The following MITF variants were observed in gnomAD, a reference collection of about 807,000 sequenced individuals.
MITF encodes the protein melanocyte inducing transcription factor.
In MITF, 17 loss-of-function variants were observed where a neutral mutation model predicts 60.5. The ratio of observed to expected loss-of-function variants is 0.28; its 90% CI spans 0.19 to 0.42. MITF has a LOEUF of 0.42. Ranked by LOEUF, MITF falls within the 10% of genes least tolerant of loss-of-function variation. The pLI is 1.00. For synonymous variants in MITF, 260 were observed against 248.5 expected, an observed-to-expected ratio of 1.05 and a Z score of -0.43; for missense variants, 622 against 683.5, an observed-to-expected ratio of 0.91 and a Z score of 1.00.
intron 2 of MITF, among the ~76,000 whole-genome samples, chr3:69,885,685 G>A (rs929860947): frequency 6.6e-6 from 1 of 152,118 alleles, no homozygotes; most frequent in African/African-American, 2.4e-5. Context: ...GGATGAAGGA[G>A]AAGCAATTAG....
chr3:69,834,966 C>T lies in MITF; in HGVS notation c.105-44168C>T, dbSNP rs549947869. 4.1e-4 allele frequency among the ~76,000 whole-genome samples: 60 copies of T among 146,890 alleles called. 1 individual carries two copies. The highest frequency in any genetic ancestry group is 1.5e-3 in the African/African-American group (58 of 39,988). On this transcript the variant is annotated intron_variant, in intron 1 of 9. Transcript: ENST00000352241. ...TGAGTACTTTTTTCATATCTGTTGC[C>T]ATGTGTATATTTTCTTTTGAAAAGT...
intron 1 of MITF, among the ~76,000 whole-genome samples, chr3:69,795,501 G>A (rs1182459837): frequency 6.6e-6 from 1 of 152,148 alleles, no homozygotes; most frequent in South Asian, 2.1e-4. Context: ...CGAGGTGGGA[G>A]GATCTCCTGA....
intron 2 of MITF, among the ~76,000 whole-genome samples, chr3:69,930,839 A>G (rs927404609): frequency 2.0e-5 from 3 of 152,240 alleles, no homozygotes; most frequent in African/African-American, 7.2e-5. Flanking sequence ...GTACACATTA[A>G]CATTTGCTCC....
At chr3:69,770,422 C>A (rs1378914952) in intron 1 of MITF, among the ~76,000 whole-genome samples, 1 of 152,044 alleles carries the variant, frequency 6.6e-6, no homozygotes, top group Non-Finnish European at 1.5e-5. Context: ...CTGTGGTTGA[C>A]CTGGTTTTCC....
At chr3:69,853,266 C>T (rs974204278) in intron 1 of MITF, among the ~76,000 whole-genome samples, 25 of 152,000 alleles carry the variant, frequency 1.6e-4, no homozygotes, top group African/African-American at 5.3e-4. Context: ...AGCATCTGTT[C>T]GGTAGAGGGT....
At chr3:69,926,095 AAACCTGCATGCG>A (rs1451092068) in intron 2 of MITF, among the ~76,000 whole-genome samples, 19 of 152,154 alleles carry the variant, frequency 1.2e-4, no homozygotes, top group African/African-American at 4.6e-4. Flanking sequence ...TGGTTACATT[AAACCTGCATGCG>A]AAGCTCTCAG....
intron 2 of MITF, among the ~76,000 whole-genome samples, chr3:69,886,632 T>C (rs1279480416): frequency 6.6e-6 from 1 of 152,054 alleles, no homozygotes; most frequent in Admixed American, 6.6e-5. Context: ...GAAAGATACA[T>C]GAGCTTAAGC....
chr3:69,820,749 C>T (rs1189555025), intron 1 of MITF, among the ~76,000 whole-genome samples: 16 of 152,092 alleles, frequency 1.1e-4, no homozygotes, highest in Admixed American at 7.9e-4. Flanking sequence ...AGTTTTGCTG[C>T]GATGCTGGCC....
intron 1 of MITF, among the ~76,000 whole-genome samples, chr3:69,847,743 C>T (rs1237933040): frequency 1.3e-5 from 2 of 152,242 alleles, no homozygotes; most frequent in African/African-American, 2.4e-5. Context: ...CCGTAACTCA[C>T]ACTTCTCTGG....
intron 2 of MITF, among the ~76,000 whole-genome samples, chr3:69,919,868 T>G (rs533101520): frequency 4.3e-4 from 66 of 152,224 alleles, no homozygotes; most frequent in African/African-American, 1.6e-3. Context: ...GCTGTTGTTG[T>G]TTTCAGACAG....
chr3:69,863,709 T>C (rs993504632), intron 1 of MITF, among the ~76,000 whole-genome samples: 6 of 152,172 alleles, frequency 3.9e-5, no homozygotes, highest in African/African-American at 1.4e-4. Context: ...AAATCTGGCT[T>C]GAACTTTTAT....
chr3:69,744,418 T>C (rs1156732845), intron 1 of MITF, among the ~76,000 whole-genome samples: 1 of 152,178 alleles, frequency 6.6e-6, no homozygotes, highest in African/African-American at 2.4e-5. Context: ...GCCATCGATG[T>C]CTGTCCCTAA....
intron 1 of MITF, among the ~76,000 whole-genome samples, chr3:69,859,461 C>T (rs1213450879): frequency 2.6e-5 from 4 of 152,156 alleles, no homozygotes; most frequent in Admixed American, 6.5e-5. Flanking sequence ...TCTGGCTCCT[C>T]CTTGGACCAG....
intron 1 of MITF, among the ~76,000 whole-genome samples, chr3:69,847,078 G>A (rs1293493883): frequency 6.6e-6 from 1 of 152,130 alleles, no homozygotes; most frequent in Admixed American, 6.5e-5. Flanking sequence ...GTCACTGATT[G>A]GGAGACAGTC....
intron 1 of MITF, among the ~76,000 whole-genome samples, chr3:69,782,824 A>G (rs1274734820): frequency 4.6e-5 from 7 of 152,142 alleles, no homozygotes; most frequent in Non-Finnish European, 1.0e-4. Context: ...GGAATATTTA[A>G]TCTCTTAATT....
intron 2 of MITF, among the ~76,000 whole-genome samples, chr3:69,931,089 T>A (rs1266337792): frequency 6.6e-6 from 1 of 152,242 alleles, no homozygotes; most frequent in Non-Finnish European, 1.5e-5. Context: ...TATGTGGTTA[T>A]TCCACATATC....
rs2066698657 is a variant in MITF, at chr3:69,966,735, C to T, written c.*1487C>T. 4.3e-6 allele frequency: 1 copy of T among 232,734 alleles called. No homozygotes were observed. The highest frequency in any genetic ancestry group is 8.5e-6 in the Non-Finnish European group (1 of 117,600). The allele number at this position is 232,734 out of a possible 1,614,324, so 14.4% of individuals were successfully genotyped here. On this transcript the variant is annotated 3_prime_UTR_variant, in exon 10 of 10. Transcript: ENST00000352241. ...CAAGCCTAGATGTTTTATACAGATG[C>T]CATATAGTGTTATGAGCCAGGCTGT...
chr3:69,881,703 T>C (rs2064492615), intron 2 of MITF, among the ~76,000 whole-genome samples: 2 of 152,036 alleles, frequency 1.3e-5, no homozygotes, highest in South Asian at 4.1e-4. Flanking sequence ...AGTAAGTGGT[T>C]AATAGCAAAA....
intron 6 of MITF, among the ~76,000 whole-genome samples, chr3:69,950,451 TATA>T (rs2066215819): frequency 1.9e-4 from 3 of 15,486 alleles, no homozygotes; most frequent in Non-Finnish European, 2.3e-4. Context: ...TTCTGAGTTA[TATA>T]TATATATATA....
Sources: gnomAD v4.1 joint callset for allele counts (sites outside exome capture counted in the v4.1 genomes callset) on GRCh38, gnomAD v4.1.1 for gene constraint, MANE v1.5 for transcripts, NCBI Gene and HGNC (gene_info 2026-07-23, HGNC 2026-07-21) for gene names.